Variants in MMP27 observed in about 807,000 individuals in gnomAD.
MMP27 encodes matrix metalloproteinase-27.
In MMP27, 51 loss-of-function variants were observed where a neutral mutation model predicts 48.1. The observed-to-expected ratio is 1.06, with a 90% CI of 0.85 to 1.34. The LOEUF is 1.34. Ranked by LOEUF, MMP27 falls within the 40% of genes most tolerant of loss-of-function variation. MMP27 has a pLI of 0.00. For missense variants in MMP27, 698 were observed against 619.3 expected (o/e 1.13, Z -1.35); for synonymous variants, 229 against 208.9 (o/e 1.10, Z -0.83).
At chr11:102,696,269 G>C in intron 6 of MMP27, 102 bp downstream of exon 6, 2 of 1,180,314 alleles carry the variant, frequency 1.7e-6, no homozygotes, top group Non-Finnish European at 1.2e-6. Context: ...GAAGATAAAA[G>C]GCACACATTT....
chr11:102,705,657 A>T lies in MMP27; in HGVS notation c.58T>A (p.Leu20Ile), dbSNP rs775123722. The change falls in exon 1 of 10, where the codon TTA (leucine) becomes ATA (isoleucine). Residue 20 changes from leucine (L) to isoleucine (I), a missense_variant. Physicochemically the swap from Leu to Ile is conservative, Grantham distance 5 (BLOSUM62 2). Transcript: ENST00000260229. The stretch of plus-strand genomic sequence containing the variant: ...TCTTCATTTTCCGTCATCCGGACTA[A>T]GGGAAATGCAGAAGAAAATGTTATA... ...FFITFSSAFP[L>I]VRMTENEENM... 230 of 1,605,512 alleles carry T rather than the reference A, an allele frequency of 1.4e-4. 1 individual carries two copies. The highest frequency in any genetic ancestry group is 7.9e-4 in the Admixed American group (46 of 58,284).
Position 102,696,709 on chromosome 11 carries a change from G to A in MMP27, c.746C>T (p.Ser249Phe). 3.7e-6 allele frequency: 6 copies of A among 1,613,770 alleles called. No individual in the cohort carries two copies. The Admixed American group carries it at 6.7e-5, about 18-fold the overall frequency. Residue 249 changes from serine (S) to phenylalanine (F), a missense_variant, in exon 5 of 10, where the codon TCT becomes TTT. Coordinates refer to ENST00000260229, the MANE Select transcript of MMP27 (RefSeq NM_022122.3). Reference sequence around the variant, plus strand: ...CTGGATTCCATTGATATCATCCTGAGAAAGTGGGTATTTTCTGGGATCCAG... The same window carrying A: ...CTGGATTCCATTGATATCATCCTGAAAAAGTGGGTATTTTCTGGGATCCAG... ...VSLDPRKYPL[S>F]QDDINGIQSI...
At position 102,694,949 on chromosome 11, in the gene MMP27, C is replaced by G; in HGVS notation, c.1033+18G>C. 1 of 1,612,740 alleles carries G rather than the reference C, an allele frequency of 6.2e-7. No homozygotes were observed. Among genetic ancestry groups the G allele is most frequent in the Admixed American group, 1.7e-5 (1 of 59,924 alleles). ...AGGCAGCCAGAGGGAGAAGAGGAAT[C>G]GGGATGGGCCAGGTTACCTTTAAAA... On this transcript the variant is annotated intron_variant, in intron 7 of 9. Coordinates refer to ENST00000260229, the MANE Select transcript of MMP27 (RefSeq NM_022122.3).
intron 4 of MMP27, among the ~76,000 whole-genome samples, chr11:102,697,488 C>T (rs1860852790): frequency 1.3e-5 from 2 of 152,064 alleles, no homozygotes; most frequent in African/African-American, 4.8e-5. Context: ...TTAACTTTTG[C>T]TTACAGTAAC....
Position 102,703,259 on chromosome 11 carries a change from G to A in MMP27, c.342-141C>T, listed in dbSNP as rs61593466. 6.4e-3 allele frequency: 4,525 copies of A among 703,014 alleles called. 171 individuals are homozygous for A. The African/African-American group carries it at 0.071, about 11-fold the overall frequency. The allele number at this position is 703,014 out of a possible 1,614,324, so 43.5% of individuals were successfully genotyped here. A position where few individuals can be genotyped will look rare whatever the true frequency, so the allele number is the denominator to read the frequency against. On this transcript the variant is annotated intron_variant, in intron 2 of 9. Transcript: ENST00000260229. ...GTGCAATTATCTTACAGTTGCATTA[G>A]CACTTTATTTAAATGAAATACTCTT...
intron 2 of MMP27, among the ~76,000 whole-genome samples, chr11:102,704,046 C>A (rs568787801): frequency 1.5e-4 from 23 of 152,124 alleles, no homozygotes; most frequent in Non-Finnish European, 1.9e-4. Flanking sequence ...AGTCAGCCTG[C>A]CCCCTTTTCC....
Position 102,695,942 on chromosome 11 carries a change from C to T in MMP27, c.902+429G>A, listed in dbSNP as rs76119243. Among the ~76,000 whole-genome samples the T allele has an allele frequency of 1.8e-3, 280 of 152,308 alleles. 4 individuals are homozygous for T. Among genetic ancestry groups the T allele is most frequent in the East Asian group, 0.011 (59 of 5,188 alleles). The stretch of plus-strand genomic sequence containing the variant: ...CTCTCCAGGTGGGAAGAAGACATGA[C>T]TTTAATCATTTGCTGATTTTCAGAT... On this transcript the variant is annotated intron_variant, in intron 6 of 9. Transcript: ENST00000260229.
At chr11:102,698,860 A>G (rs1860883559) in intron 4 of MMP27, among the ~76,000 whole-genome samples, 1 of 152,156 alleles carries the variant, frequency 6.6e-6, no homozygotes, top group Non-Finnish European at 1.5e-5. Flanking sequence ...GGTCTTATCC[A>G]GGTTGAGTTA....
At position 102,695,113 on chromosome 11, in the gene MMP27, A is replaced by G. The variant is rs371400623; in HGVS notation, c.903-16T>C. 3.1e-6 allele frequency: 5 copies of G among 1,610,910 alleles called. No homozygotes were observed. The African/African-American group carries it at 6.7e-5, about 22-fold the overall frequency. On this transcript the variant is annotated splice_polypyrimidine_tract_variant and intron_variant, in intron 6 of 9. Transcript: ENST00000260229. ...CCATAGGTGCCTGTGTTAAACAAAA[A>G]ACACTTTACACATGCAGCCTATTTC...
intron 4 of MMP27, among the ~76,000 whole-genome samples, chr11:102,698,666 A>G (rs1044938984): frequency 6.6e-6 from 1 of 152,100 alleles, no homozygotes; most frequent in Non-Finnish European, 1.5e-5. Flanking sequence ...TCTGCAAGCT[A>G]ACTATGTTAA....
intron 4 of MMP27, among the ~76,000 whole-genome samples, chr11:102,699,601 C>A (rs890955392): frequency 6.6e-6 from 1 of 152,202 alleles, no homozygotes; most frequent in African/African-American, 2.4e-5. Flanking sequence ...ATGAAGCAAA[C>A]GTAAAAGGGC....
chr11:102,703,530 T>G (rs1182628579), intron 2 of MMP27, among the ~76,000 whole-genome samples: 10 of 110,540 alleles, frequency 9.0e-5, no homozygotes, highest in Non-Finnish European at 2.1e-4. Context: ...ATTAAGAACT[T>G]TTTTTTTTTT....
At position 102,702,851 on chromosome 11, in the gene MMP27, C is replaced by G. The variant is rs1038756076; in HGVS notation, c.521G>C (p.Gly174Ala). ...GGCATGGCCAAGCACTCCCAAGGGA[C>G]CATCAAAATAGCGAGGACACCGACC... ...VHGRCPRYFD[G>A]PLGVLGHAFP... Residue 174 changes from glycine to alanine, a missense_variant, in exon 4 of 10, where the codon GGT becomes GCT. Gly to Ala is a moderately conservative substitution (Grantham distance 60). Coordinates refer to ENST00000260229, the MANE Select transcript of MMP27 (RefSeq NM_022122.3). 1 of 1,613,744 alleles carries G rather than the reference C, an allele frequency of 6.2e-7. No homozygotes were observed. The highest frequency in any genetic ancestry group is 1.3e-5 in the African/African-American group (1 of 74,862).
rs117730258 is a variant in MMP27, at chr11:102,698,697, G to A, written c.620-1862C>T. Among the ~76,000 whole-genome samples, 911 of 152,192 alleles carry A rather than the reference G, an allele frequency of 6.0e-3. 16 individuals are homozygous for A. Among genetic ancestry groups the A allele is most frequent in the Non-Finnish European group, 9.2e-3 (628 of 68,014 alleles). Reference sequence around the variant, plus strand: ...GTTAAATCGCTGGCATTTTTCATCTGTGTCAGGTTCTTTCTAATCTCTATG... The same window carrying A: ...GTTAAATCGCTGGCATTTTTCATCTATGTCAGGTTCTTTCTAATCTCTATG... On this transcript the variant is annotated intron_variant, in intron 4 of 9. Transcript: ENST00000260229.
At chr11:102,702,340 A>G (rs1365021237) in intron 4 of MMP27, among the ~76,000 whole-genome samples, 1 of 152,230 alleles carries the variant, frequency 6.6e-6, no homozygotes, top group Non-Finnish European at 1.5e-5. Flanking sequence ...TCAATCCTCA[A>G]GCAACAGATG....
intron 4 of MMP27, among the ~76,000 whole-genome samples, chr11:102,700,036 A>C (rs1461803076): frequency 1.3e-5 from 2 of 152,156 alleles, no homozygotes; most frequent in South Asian, 2.1e-4. Flanking sequence ...CCTTTATCTC[A>C]GTACTGATCC....
In MMP27 at chr11:102,694,976, C is replaced by A; in HGVS notation, c.1024G>T (p.Val342Phe). 6.2e-7 allele frequency: 1 copy of A among 1,613,890 alleles called. No individual in the cohort carries two copies. Among genetic ancestry groups the A allele is most frequent in the South Asian group, 1.1e-5 (1 of 91,082 alleles). ...GGATGGGCCAGGTTACCTTTAAAAA[C>A]CAGAATCTTATCTCTGGGGTTCTCG... ...AYENPRDKIL[V>F]FKDENFWMIR... Residue 342 changes from valine to phenylalanine, a missense_variant, in exon 7 of 10, where the codon GTT becomes TTT. Transcript: ENST00000260229.
Position 102,702,824 on chromosome 11 carries a change from A to C in MMP27, c.548T>G (p.Phe183Cys). Residue 183 changes from phenylalanine to cysteine, a missense_variant, in exon 4 of 10, where the codon TTT becomes TGT. Coordinates refer to ENST00000260229, the MANE Select transcript of MMP27 (RefSeq NM_022122.3). The stretch of plus-strand genomic sequence containing the variant: ...ACCACCCAGACCCGGACCAGGAGGA[A>C]AGGCATGGCCAAGCACTCCCAAGGG... ...DGPLGVLGHAFPPGPGLGGDT... is the reference protein window; with the variant it reads ...DGPLGVLGHACPPGPGLGGDT... 1 of 1,614,110 alleles carries C rather than the reference A, an allele frequency of 6.2e-7. No individual in the cohort carries two copies. Among genetic ancestry groups the C allele is most frequent in the South Asian group, 1.1e-5 (1 of 91,068 alleles).
chr11:102,704,662 C>G lies in MMP27; in HGVS notation c.216G>C (p.Leu72Phe). Residue 72 changes from leucine (L) to phenylalanine (F), a missense_variant, in exon 2 of 10, where the codon TTG becomes TTC. Coordinates refer to ENST00000260229, the MANE Select transcript of MMP27 (RefSeq NM_022122.3). ...KIREMQAFFG[L>F]TVTGKLDSNT... is the part of the protein sequence containing the mutation. ...TTGAGTCCAGTTTTCCAGTCACTGT[C>G]AATCCAAAAAATGCTTGCATTTCCC... 6.2e-7 allele frequency: 1 copy of G among 1,613,968 alleles called. No individual in the cohort carries two copies. The highest frequency in any genetic ancestry group is 8.5e-7 in the Non-Finnish European group (1 of 1,179,956).
Sources: allele counts gnomAD v4.1 joint callset (sites outside exome capture counted in the v4.1 genomes callset), GRCh38; gene constraint gnomAD v4.1.1; transcripts MANE v1.5; gene names NCBI Gene and HGNC (gene_info 2026-07-23, HGNC 2026-07-21).